METTL8: variants seen among roughly 807,000 people sequenced by gnomAD.
The protein encoded by METTL8 is tRNA N(3)-cytidine methyltransferase METTL8, mitochondrial.
A neutral mutation model predicts 48.7 loss-of-function variants in METTL8; 32 were observed. That is an observed-to-expected ratio of 0.66 (90% CI 0.50 to 0.88). The LOEUF is 0.88. Among genes scored for constraint, METTL8 ranks in the 40% least tolerant of loss-of-function variants. The pLI is 0.00. For synonymous variants in METTL8, 136 were observed against 157.1 expected (o/e 0.87, Z 1.01); for missense variants, 464 against 474.4 (o/e 0.98, Z 0.20).
At chr2:171,422,916 T>C (rs1005363975) in intron 1 of METTL8, among the ~76,000 whole-genome samples, 1 of 152,220 alleles carries the variant, frequency 6.6e-6, no homozygotes, top group South Asian at 2.1e-4. Flanking sequence ...TGAAGGTGCA[T>C]AATATGGTTT....
In METTL8 at chr2:171,345,419, C is replaced by G. The variant is rs572270557; in HGVS notation, c.236-5865G>C. ...TTTTGCACATCAATTACGCAAATAC[C>G]TGAGCTCTCAAAGTTGGAAATTTCC... is the stretch of plus-strand genomic sequence containing the variant. On this transcript the variant is annotated intron_variant, in intron 3 of 9. Transcript: ENST00000375258. 2.0e-5 allele frequency among the ~76,000 whole-genome samples: 3 copies of G among 152,190 alleles called. No homozygotes were observed. In the South Asian group the frequency reaches 6.2e-4, roughly 32 times the overall value.
At chr2:171,355,443 C>T (rs1684422834) in intron 3 of METTL8, among the ~76,000 whole-genome samples, 1 of 152,198 alleles carries the variant, frequency 6.6e-6, no homozygotes, top group South Asian at 2.1e-4. Context: ...GGCAGTCTGT[C>T]CCTCTCAGAT....
At position 171,318,508 on chromosome 2, in the gene METTL8, T is replaced by C. The variant is rs1211014421; in HGVS notation, c.*5664A>G. On this transcript the variant is annotated 3_prime_UTR_variant, in exon 10 of 10. Transcript: ENST00000375258. ...GCGAGGAGTATGCAAGTGAGAGTGC[T>C]CTGCGAGGAGGGATGCCAAGTGGAA... is the stretch of plus-strand genomic sequence containing the variant. The C allele has an allele frequency of 6.6e-6, 1 of 152,228 alleles. No homozygotes were observed. The highest frequency in any genetic ancestry group is 1.9e-4 in the East Asian group (1 of 5,200). The allele number at this position is 152,228 out of a possible 1,614,324, so 9.4% of individuals were successfully genotyped here.
intron 1 of METTL8, among the ~76,000 whole-genome samples, chr2:171,412,226 G>A (rs1161066021): frequency 2.0e-5 from 3 of 152,158 alleles, no homozygotes; most frequent in East Asian, 1.9e-4. Context: ...CCTGCTCTCC[G>A]CAGCATCACC....
chr2:171,410,911 A>G (rs1321490610), intron 1 of METTL8, among the ~76,000 whole-genome samples: 1 of 152,254 alleles, frequency 6.6e-6, no homozygotes, highest in Non-Finnish European at 1.5e-5. Flanking sequence ...ATCTTTAGAT[A>G]TTACTTAGAT....
chr2:171,368,612 G>T (rs1166858922), intron 2 of METTL8, among the ~76,000 whole-genome samples: 1 of 152,120 alleles, frequency 6.6e-6, no homozygotes, highest in South Asian at 2.1e-4. Context: ...ATAATAAAAT[G>T]TGTCAACATT....
intron 1 of METTL8, among the ~76,000 whole-genome samples, chr2:171,427,629 T>G (rs1692551104): frequency 6.6e-6 from 1 of 152,172 alleles, no homozygotes; most frequent in African/African-American, 2.4e-5. Context: ...CTCCTCCTCA[T>G]CATTCAGGGC....
chr2:171,340,432 G>A (rs1004467773), intron 3 of METTL8, among the ~76,000 whole-genome samples: 2 of 146,980 alleles, frequency 1.4e-5, no homozygotes. Flanking sequence ...AACCCGGGAG[G>A]AGAAATTTGC....
chr2:171,393,041 T>C (rs755301268), intron 1 of METTL8, among the ~76,000 whole-genome samples: 1 of 152,020 alleles, frequency 6.6e-6, no homozygotes, highest in African/African-American at 2.4e-5. Flanking sequence ...GAGGCGGAGA[T>C]TGCAGTGAGC....
chr2:171,415,338 T>G (rs1259209092), intron 1 of METTL8, among the ~76,000 whole-genome samples: 1 of 150,712 alleles, frequency 6.6e-6, no homozygotes, highest in African/African-American at 2.4e-5. Flanking sequence ...CTTCTTAATA[T>G]ATCTCGAAAT....
chr2:171,375,549 G>T (rs78702011), intron 2 of METTL8, among the ~76,000 whole-genome samples: 4,623 of 152,134 alleles, frequency 0.03, 81 homozygotes, highest in East Asian at 0.05. Flanking sequence ...TCATTTGCAC[G>T]TTTCTAATGA....
At chr2:171,377,950 T>C (rs1016354101) in intron 2 of METTL8, among the ~76,000 whole-genome samples, 1 of 152,074 alleles carries the variant, frequency 6.6e-6, no homozygotes, top group Admixed American at 6.6e-5. Context: ...CACATGCACA[T>C]GCATGTTTAT....
intron 7 of METTL8, among the ~76,000 whole-genome samples, chr2:171,330,137 A>G (rs1685362945): frequency 6.6e-6 from 1 of 152,226 alleles, no homozygotes; most frequent in Non-Finnish European, 1.5e-5. Flanking sequence ...AAAGCCCATC[A>G]ACAGGCCTGT....
At chr2:171,374,808 C>T in intron 2 of METTL8, 1 of 654,694 alleles carries the variant, frequency 1.5e-6, no homozygotes. Flanking sequence ...TGAAATTCAT[C>T]CATGTTGTAT....
intron 2 of METTL8, among the ~76,000 whole-genome samples, chr2:171,380,829 T>C (rs532276644): frequency 6.6e-6 from 1 of 152,342 alleles, no homozygotes; most frequent in Admixed American, 6.5e-5. Context: ...CTGCCCAAAG[T>C]AATTTATAGA....
chr2:171,377,277 A>G (rs1687069011), intron 2 of METTL8, among the ~76,000 whole-genome samples: 1 of 152,222 alleles, frequency 6.6e-6, no homozygotes, highest in Non-Finnish European at 1.5e-5. Context: ...TCTTCTAGAC[A>G]TTGGCTTAGG....
intron 1 of METTL8, among the ~76,000 whole-genome samples, chr2:171,398,676 T>C (rs916087417): frequency 1.3e-5 from 2 of 152,184 alleles, no homozygotes; most frequent in African/African-American, 4.8e-5. Flanking sequence ...GGACTTTTGC[T>C]GAAAGAGTAG....
At chr2:171,326,371 C>T (rs901479064) in intron 7 of METTL8, 2 of 469,652 alleles carry the variant, frequency 4.3e-6, no homozygotes, top group African/African-American at 2.0e-5. Flanking sequence ...ATCAAGAAAT[C>T]ACCCAAATGA....
chr2:171,419,991 T>C (rs1160878323), intron 1 of METTL8, among the ~76,000 whole-genome samples: 2 of 151,906 alleles, frequency 1.3e-5, no homozygotes, highest in African/African-American at 4.8e-5. Context: ...TTCACATTTA[T>C]AAATATGTGA....
Sources: allele counts gnomAD v4.1 joint callset (sites outside exome capture counted in the v4.1 genomes callset), GRCh38; gene constraint gnomAD v4.1.1; transcripts MANE v1.5; gene names NCBI Gene and HGNC (gene_info 2026-07-23, HGNC 2026-07-21).